The following CACNA1E variants were observed in gnomAD, a reference collection of about 807,000 sequenced individuals.
CACNA1E encodes the protein voltage-dependent R-type calcium channel subunit alpha-1E.
CACNA1E carries 40 observed loss-of-function variants against 259.2 expected under a neutral mutation model. The ratio of observed to expected loss-of-function variants is 0.15; its 90% confidence interval spans 0.12 to 0.20. The LOEUF (loss-of-function observed/expected upper bound fraction) is 0.20. CACNA1E is among the 10% of genes least tolerant of loss of function. CACNA1E has a pLI of 1.00. For synonymous variants in CACNA1E, 1,104 were observed against 1,138.5 expected, an observed-to-expected ratio of 0.97 and a Z score of 0.61; for missense variants, 1,874 against 3,040.1, an observed-to-expected ratio of 0.62 and a Z score of 9.02.
chr1:181,411,862 G>T (rs1657873096), intron 1 of CACNA1E, among the ~76,000 whole-genome samples: 1 of 152,224 alleles, frequency 6.6e-6, no homozygotes, highest in African/African-American at 2.4e-5. Context: ...TGCTCGCCTT[G>T]GTCTCCCAAA....
chr1:181,602,537 A>G (rs1463766631), intron 6 of CACNA1E, among the ~76,000 whole-genome samples: 5 of 152,192 alleles, frequency 3.3e-5, no homozygotes, highest in African/African-American at 1.2e-4. Context: ...ACCTGTATTT[A>G]ATAAATATTT....
chr1:181,555,703 T>A (rs10797726), intron 3 of CACNA1E, among the ~76,000 whole-genome samples: 62,571 of 152,042 alleles, frequency 0.41, 14,245 homozygotes, highest in Non-Finnish European at 0.51. Context: ...TTGGAAGATG[T>A]GATCCACTAT....
intron 7 of CACNA1E, among the ~76,000 whole-genome samples, chr1:181,708,882 T>C (rs1008290417): frequency 1.3e-5 from 2 of 152,048 alleles, no homozygotes; most frequent in African/African-American, 4.8e-5. Context: ...GTACTGGAGG[T>C]TTGGAAGTGG....
At chr1:181,363,919 A>G (rs1439636976) in intron 1 of CACNA1E, among the ~76,000 whole-genome samples, 1 of 152,226 alleles carries the variant, frequency 6.6e-6, no homozygotes, top group African/African-American at 2.4e-5. Flanking sequence ...CACCAGAGTT[A>G]GAAGTCTGAA....
At chr1:181,338,829 A>G (rs1651923459) in intron 1 of CACNA1E, among the ~76,000 whole-genome samples, 1 of 151,388 alleles carries the variant, frequency 6.6e-6, no homozygotes, top group Non-Finnish European at 1.5e-5. Context: ...TTTTGAGATG[A>G]TTTTTGTGTA....
At chr1:181,504,213 G>A (rs1391710508) in intron 1 of CACNA1E, among the ~76,000 whole-genome samples, 2 of 152,160 alleles carry the variant, frequency 1.3e-5, no homozygotes, top group Admixed American at 6.5e-5. Context: ...AGGGTCTGGG[G>A]TGAGGGGTGG....
chr1:181,348,079 C>T (rs907101084), intron 1 of CACNA1E, among the ~76,000 whole-genome samples: 3 of 152,166 alleles, frequency 2.0e-5, no homozygotes, highest in Non-Finnish European at 2.9e-5. Flanking sequence ...AGCTGAACAT[C>T]CTGACAACAG....
intron 32 of CACNA1E, among the ~76,000 whole-genome samples, chr1:181,760,589 TAAC>T (rs1231021605): frequency 2.0e-5 from 3 of 152,226 alleles, no homozygotes; most frequent in East Asian, 1.9e-4. Flanking sequence ...GGGAAAGATG[TAAC>T]AACAATTGGT....
intron 1 of CACNA1E, among the ~76,000 whole-genome samples, chr1:181,391,555 G>A (rs1355650700): frequency 3.3e-5 from 5 of 152,128 alleles, no homozygotes; most frequent in African/African-American, 9.7e-5. Context: ...GGGAAGCTCC[G>A]TGGCAAAGGA....
chr1:181,354,655 T>G (rs1318813735), intron 1 of CACNA1E, among the ~76,000 whole-genome samples: 1 of 152,174 alleles, frequency 6.6e-6, no homozygotes, highest in Admixed American at 6.5e-5. Context: ...GAGCTGCAGG[T>G]CTTGCTACAG....
intron 2 of CACNA1E, among the ~76,000 whole-genome samples, chr1:181,471,515 G>A (rs1662505820): frequency 6.6e-6 from 1 of 152,064 alleles, no homozygotes; most frequent in Admixed American, 6.6e-5. Flanking sequence ...TACTGTTGCT[G>A]CTTTGAAGAG....
intron 18 of CACNA1E, among the ~76,000 whole-genome samples, chr1:181,729,392 C>A (rs1358507410): frequency 6.6e-6 from 1 of 152,240 alleles, no homozygotes; most frequent in African/African-American, 2.4e-5. Flanking sequence ...TCATGCCCTG[C>A]TTGGGTGTTA....
At chr1:181,438,376 G>A (rs921372856) in intron 2 of CACNA1E, among the ~76,000 whole-genome samples, 2 of 152,284 alleles carry the variant, frequency 1.3e-5, no homozygotes, top group Middle Eastern at 3.4e-3. Flanking sequence ...CTGGTTTTCT[G>A]GGTAGTACAA....
At chr1:181,599,018 G>A (rs928580737) in intron 6 of CACNA1E, among the ~76,000 whole-genome samples, 2 of 151,746 alleles carry the variant, frequency 1.3e-5, no homozygotes, top group Non-Finnish European at 2.9e-5. Context: ...ATAGGTAAAC[G>A]TATGCCATGG....
intron 1 of CACNA1E, among the ~76,000 whole-genome samples, chr1:181,330,222 C>G (rs12123663): frequency 0.19 from 28,432 of 152,036 alleles, 2,826 homozygotes; most frequent in South Asian, 0.22. Context: ...TTCCTGAGCT[C>G]ACCCCTGACC....
At chr1:181,582,844 G>A (rs1344503997) in intron 6 of CACNA1E, among the ~76,000 whole-genome samples, 1 of 152,122 alleles carries the variant, frequency 6.6e-6, no homozygotes, top group Non-Finnish European at 1.5e-5. Context: ...CAGAGATTTT[G>A]CTCCTCTCTC....
intron 1 of CACNA1E, among the ~76,000 whole-genome samples, chr1:181,406,767 T>A (rs142134992): frequency 6.6e-6 from 1 of 152,340 alleles, no homozygotes; most frequent in East Asian, 1.9e-4. Flanking sequence ...ATTCAGTTGG[T>A]GAGCGTGGAG....
intron 6 of CACNA1E, among the ~76,000 whole-genome samples, chr1:181,627,238 T>A (rs1160030628): frequency 6.6e-6 from 1 of 152,204 alleles, no homozygotes; most frequent in Non-Finnish European, 1.5e-5. Flanking sequence ...TTACAGGTAC[T>A]GCAGGGGTTA....
At chr1:181,480,450 A>G (rs1053747612), upstream of CACNA1E, among the ~76,000 whole-genome samples, 3 of 152,218 alleles carry the variant, frequency 2.0e-5, no homozygotes, top group African/African-American at 7.2e-5. Context: ...GTCTCCTTGG[A>G]AGGCAAGAAG....
Sources: gnomAD v4.1 joint callset for allele counts (sites outside exome capture counted in the v4.1 genomes callset) on GRCh38, gnomAD v4.1.1 for gene constraint, MANE v1.5 for transcripts, NCBI Gene and HGNC (gene_info 2026-07-23, HGNC 2026-07-21) for gene names.